BACH2: variants seen among roughly 807,000 people sequenced by gnomAD.
BACH2 encodes BACH transcriptional regulator 2.
Under a neutral mutation model 61.8 loss-of-function variants are expected in BACH2, and 5 were observed. That is an observed-to-expected ratio of 0.08 (90% CI 0.04 to 0.17). The LOEUF (loss-of-function observed/expected upper bound fraction) is 0.17, where lower values mean the gene tolerates loss of function less well. BACH2 is among the 10% of genes least tolerant of loss of function. BACH2 has a pLI of 1.00. For missense variants in BACH2, 824 were observed against 1,091.1 expected (o/e 0.76, Z 3.45); for synonymous variants, 446 against 440.1 (o/e 1.01, Z -0.17).
chr6:90,233,080 A>G (rs888841214), intron 3 of BACH2, among the ~76,000 whole-genome samples: 3 of 152,230 alleles, frequency 2.0e-5, no homozygotes, highest in African/African-American at 7.2e-5. Context: ...CAGTTCACAG[A>G]GAAGCTGAAG....
chr6:90,171,710 C>T (rs1175672016), intron 4 of BACH2, among the ~76,000 whole-genome samples: 2 of 152,108 alleles, frequency 1.3e-5, no homozygotes, highest in East Asian at 3.8e-4. Flanking sequence ...ATGAAATCAT[C>T]AAAGGCTTTA....
chr6:90,213,273 CAAG>C (rs1769418481), intron 3 of BACH2, among the ~76,000 whole-genome samples: 1 of 152,224 alleles, frequency 6.6e-6, no homozygotes, highest in African/African-American at 2.4e-5. Flanking sequence ...TTCTGATACT[CAAG>C]AAACGGAGTT....
At position 90,121,652 on chromosome 6, in the gene BACH2, C is replaced by T. The variant is rs868116719; in HGVS notation, c.-161-32543G>A. On this transcript the variant is annotated intron_variant, in intron 4 of 8. Coordinates refer to ENST00000257749, the MANE Select transcript of BACH2 (RefSeq NM_021813.4). ...CCACCTTCCGGGCTCAAGCAATTCT[C>T]CTGCCTCAGCCTCCCGAGTAGCTGG... 5.9e-5 allele frequency among the ~76,000 whole-genome samples: 9 copies of T among 152,238 alleles called. No homozygotes were observed. In the East Asian group the frequency reaches 7.7e-4, roughly 13 times the overall value.
intron 4 of BACH2, among the ~76,000 whole-genome samples, chr6:90,099,572 G>A (rs997250938): frequency 2.6e-5 from 4 of 152,056 alleles, no homozygotes; most frequent in African/African-American, 9.7e-5. Flanking sequence ...TTTTAAGGAA[G>A]ACTAAGAGAG....
chr6:90,267,593 T>A (rs1183578060), intron 2 of BACH2, among the ~76,000 whole-genome samples: 1 of 152,240 alleles, frequency 6.6e-6, no homozygotes, highest in African/African-American at 2.4e-5. Flanking sequence ...AGAATTTAAC[T>A]GCAGTGTTGT....
At chr6:89,973,947 A>AT (rs1050155629) in intron 6 of BACH2, among the ~76,000 whole-genome samples, 120 of 151,760 alleles carry the variant, frequency 7.9e-4, no homozygotes, top group African/African-American at 2.7e-3. Flanking sequence ...TTACATTGCA[A>AT]TTTTTTTTCA....
intron 3 of BACH2, among the ~76,000 whole-genome samples, chr6:90,235,564 T>C (rs533552337): frequency 6.6e-6 from 1 of 152,228 alleles, no homozygotes; most frequent in East Asian, 1.9e-4. Context: ...CACAAGCCTG[T>C]AGTTCCCAGC....
intron 4 of BACH2, among the ~76,000 whole-genome samples, chr6:90,095,977 C>T (rs1782367173): frequency 6.6e-6 from 1 of 152,172 alleles, no homozygotes; most frequent in African/African-American, 2.4e-5. Flanking sequence ...CCAAGCTGGC[C>T]TGTCAAGGCT....
At chr6:90,253,958 TTTGTACACAA>T (rs1363734563) in intron 2 of BACH2, among the ~76,000 whole-genome samples, 1 of 152,192 alleles carries the variant, frequency 6.6e-6, no homozygotes, top group Admixed American at 6.5e-5. Context: ...CAAAAGACCT[TTTGTACACAA>T]TTGTGCAGTG....
At chr6:90,071,286 A>G (rs1781215410) in intron 5 of BACH2, among the ~76,000 whole-genome samples, 2 of 152,238 alleles carry the variant, frequency 1.3e-5, no homozygotes, top group Admixed American at 1.3e-4. Context: ...TAACTTTTTC[A>G]GCAGCCACTT....
intron 5 of BACH2, among the ~76,000 whole-genome samples, chr6:90,058,996 T>C (rs1780531534): frequency 6.6e-6 from 1 of 152,174 alleles, no homozygotes; most frequent in Non-Finnish European, 1.5e-5. Context: ...AAGACTTAAA[T>C]GTTAGACCTA....
At chr6:90,247,318 C>A (rs1203102531) in intron 3 of BACH2, among the ~76,000 whole-genome samples, 2 of 150,226 alleles carry the variant, frequency 1.3e-5, no homozygotes, top group Non-Finnish European at 2.9e-5. Flanking sequence ...TCATTGCAAT[C>A]TCTAACTCCT....
At chr6:90,287,323 A>T (rs946905245) in intron 1 of BACH2, among the ~76,000 whole-genome samples, 1 of 152,306 alleles carries the variant, frequency 6.6e-6, no homozygotes, top group East Asian at 1.9e-4. Context: ...AAATTTATCA[A>T]TTCAATTTGT....
chr6:90,037,923 T>C (rs1183080949), intron 5 of BACH2, among the ~76,000 whole-genome samples: 1 of 152,110 alleles, frequency 6.6e-6, no homozygotes, highest in African/African-American at 2.4e-5. Flanking sequence ...GAGAGTGATG[T>C]GGCTACAAGC....
chr6:89,939,460 G>C (rs1360152167), intron 7 of BACH2, among the ~76,000 whole-genome samples: 2 of 152,080 alleles, frequency 1.3e-5, no homozygotes, highest in East Asian at 3.8e-4. Flanking sequence ...TATTGTTTTA[G>C]GTCATTAAGT....
At chr6:90,233,326 C>T (rs1770158248) in intron 3 of BACH2, among the ~76,000 whole-genome samples, 2 of 152,184 alleles carry the variant, frequency 1.3e-5, no homozygotes, top group East Asian at 3.8e-4. Context: ...ATCACTTTGG[C>T]AGATGTACAC....
chr6:90,037,823 T>C (rs529433214), intron 5 of BACH2, among the ~76,000 whole-genome samples: 2 of 152,174 alleles, frequency 1.3e-5, no homozygotes, highest in Non-Finnish European at 2.9e-5. Context: ...AGGCCTCTCA[T>C]CCAATATCAT....
intron 2 of BACH2, among the ~76,000 whole-genome samples, chr6:90,265,314 A>G (rs932160518): frequency 6.6e-6 from 1 of 151,184 alleles, no homozygotes; most frequent in Non-Finnish European, 1.5e-5. Context: ...ACAGCACCCA[A>G]AGAGTGCTCA....
chr6:89,964,861 A>G (rs1774961007), intron 6 of BACH2, among the ~76,000 whole-genome samples: 1 of 152,022 alleles, frequency 6.6e-6, no homozygotes. Context: ...CTATGTTTCT[A>G]GATTTGCTTA....
Sources: gnomAD v4.1 joint callset for allele counts (sites outside exome capture counted in the v4.1 genomes callset) on GRCh38, gnomAD v4.1.1 for gene constraint, MANE v1.5 for transcripts, NCBI Gene and HGNC (gene_info 2026-07-23, HGNC 2026-07-21) for gene names.